Variants in TMEFF2 observed in about 807,000 individuals in gnomAD.
The protein encoded by TMEFF2 is tomoregulin-2.
Under a neutral mutation model 53.8 loss-of-function variants are expected in TMEFF2, and 28 were observed. The ratio of observed to expected loss-of-function variants is 0.52; its 90% CI spans 0.39 to 0.71. The LOEUF is 0.71. Ranked by LOEUF, TMEFF2 falls within the 30% of genes least tolerant of loss-of-function variation. The probability of loss-of-function intolerance (pLI) is 0.00; values close to 1 mark genes in which losing one functional copy is unlikely to be tolerated. For synonymous variants in TMEFF2, 162 were observed against 166.3 expected, an observed-to-expected ratio of 0.97 and a Z score of 0.20; for missense variants, 353 against 455.2, an observed-to-expected ratio of 0.78 and a Z score of 2.04.
chr2:192,091,195 G>A (rs879450684), intron 4 of TMEFF2, among the ~76,000 whole-genome samples: 13 of 152,080 alleles, frequency 8.5e-5, no homozygotes, highest in African/African-American at 2.7e-4. Context: ...TACTTCCCCC[G>A]TGTGTATCTG....
At chr2:191,965,948 T>C (rs1379642767) in intron 7 of TMEFF2, among the ~76,000 whole-genome samples, 3 of 151,474 alleles carry the variant, frequency 2.0e-5, no homozygotes, top group Non-Finnish European at 4.4e-5. Flanking sequence ...ACACGTTAGT[T>C]CAGAAACTCC....
At chr2:192,056,439 T>G (rs1687912149) in intron 5 of TMEFF2, among the ~76,000 whole-genome samples, 2 of 151,298 alleles carry the variant, frequency 1.3e-5, no homozygotes, top group South Asian at 4.2e-4. Flanking sequence ...GAAGAGAGAA[T>G]AGGAGAGGAA....
intron 5 of TMEFF2, among the ~76,000 whole-genome samples, chr2:192,047,449 A>T (rs1365957766): frequency 6.6e-6 from 1 of 152,136 alleles, no homozygotes; most frequent in Non-Finnish European, 1.5e-5. Context: ...TCATTTCAGG[A>T]TGAGCTCAGA....
intron 4 of TMEFF2, among the ~76,000 whole-genome samples, chr2:192,158,232 G>A (rs1267243058): frequency 6.6e-6 from 1 of 152,054 alleles, no homozygotes; most frequent in Non-Finnish European, 1.5e-5. Context: ...TCTATGGAAT[G>A]ATGGTATTAC....
intron 2 of TMEFF2, among the ~76,000 whole-genome samples, chr2:192,186,247 A>C (rs1235992068): frequency 6.6e-6 from 1 of 152,182 alleles, no homozygotes; most frequent in Non-Finnish European, 1.5e-5. Flanking sequence ...GGAGCTTTCC[A>C]AAAATTTGTT....
intron 4 of TMEFF2, among the ~76,000 whole-genome samples, chr2:192,125,967 G>A (rs549978485): frequency 7.9e-5 from 12 of 152,182 alleles, no homozygotes; most frequent in African/African-American, 2.6e-4. Context: ...AAATGTCCAC[G>A]GCACACGTTT....
chr2:192,192,286 T>C lies in TMEFF2; in HGVS notation c.173-297A>G, dbSNP rs185352970. On this transcript the variant is annotated intron_variant, in intron 1 of 9. Coordinates refer to ENST00000272771, the MANE Select transcript of TMEFF2 (RefSeq NM_016192.4). The stretch of plus-strand genomic sequence containing the variant: ...GGTGAATGAAAGCTTAACATTTGCT[T>C]CCTGTTTTTTTTTTATTTTTATTTT... Among the ~76,000 whole-genome samples, 464 of 142,246 alleles carry C rather than the reference T, an allele frequency of 3.3e-3. 6 individuals are homozygous for C. Among genetic ancestry groups the C allele is most frequent in the African/African-American group, 0.011 (445 of 39,594 alleles). The allele number at this position is 142,246 out of a possible 152,430, so 93.3% of individuals were successfully genotyped here.
At chr2:192,019,621 AT>A in intron 5 of TMEFF2, among the ~76,000 whole-genome samples, 2 of 151,784 alleles carry the variant, frequency 1.3e-5, no homozygotes, top group South Asian at 4.2e-4. Flanking sequence ...AAAATATTAC[AT>A]TTTTAAATGT....
chr2:192,095,930 A>G (rs1688893128), intron 4 of TMEFF2, among the ~76,000 whole-genome samples: 1 of 152,218 alleles, frequency 6.6e-6, no homozygotes, highest in Non-Finnish European at 1.5e-5. Flanking sequence ...TAAGATATTA[A>G]TATATTCAGA....
chr2:191,969,390 G>C (rs1692567053), intron 7 of TMEFF2, among the ~76,000 whole-genome samples: 2 of 152,184 alleles, frequency 1.3e-5, no homozygotes, highest in Admixed American at 1.3e-4. Context: ...CCCTACCTTA[G>C]GTGACAAGGT....
intron 4 of TMEFF2, among the ~76,000 whole-genome samples, chr2:192,078,930 T>C (rs16834154): frequency 6.6e-6 from 1 of 152,088 alleles, no homozygotes; most frequent in Non-Finnish European, 1.5e-5. Flanking sequence ...GGGATATATA[T>C]GCATATTGTG....
Position 192,002,859 on chromosome 2 carries a change from G to A in TMEFF2, c.537-3651C>T, listed in dbSNP as rs996664345. Among the ~76,000 whole-genome samples, 3 of 152,004 alleles carry A rather than the reference G, an allele frequency of 2.0e-5. 1 individual carries two copies. Among genetic ancestry groups the A allele is most frequent in the Middle Eastern group, 6.8e-3 (2 of 294 alleles). On this transcript the variant is annotated intron_variant, in intron 5 of 9. Transcript: ENST00000272771. Reference sequence around the variant, plus strand: ...ACAAAACAAAACAAAACACAAAAACGATGAAGCTTGGGGAAAAGGAAATGT... The same window carrying A: ...ACAAAACAAAACAAAACACAAAAACAATGAAGCTTGGGGAAAAGGAAATGT...
intron 4 of TMEFF2, among the ~76,000 whole-genome samples, chr2:192,111,347 C>T (rs1689271839): frequency 6.6e-6 from 1 of 152,128 alleles, no homozygotes; most frequent in African/African-American, 2.4e-5. Flanking sequence ...AGATGAGGAA[C>T]TTGTTGAGAA....
chr2:191,949,419 C>CAAAG lies in TMEFF2; in HGVS notation c.*888_*891dup, dbSNP rs1691801162. On this transcript the variant is annotated 3_prime_UTR_variant, in exon 10 of 10. Transcript: ENST00000272771. ...ATTGGTTGTGATTCTAACTTCTTTT[C>CAAAG]AAAGAACTATATACTATACATATTG... 3 of 985,234 alleles carry CAAAG rather than the reference C, an allele frequency of 3.0e-6. No homozygotes were observed. Among genetic ancestry groups the CAAAG allele is most frequent in the South Asian group, 4.7e-5 (1 of 21,290 alleles). The allele number at this position is 985,234 out of a possible 1,614,324, so 61.0% of individuals were successfully genotyped here.
intron 4 of TMEFF2, among the ~76,000 whole-genome samples, chr2:192,128,485 T>G (rs963334822): frequency 6.6e-6 from 1 of 152,186 alleles, no homozygotes; most frequent in African/African-American, 2.4e-5. Context: ...AGAAAGGACA[T>G]CTTAAAAATG....
chr2:192,003,283 G>A (rs1686412360), intron 5 of TMEFF2, among the ~76,000 whole-genome samples: 1 of 152,066 alleles, frequency 6.6e-6, no homozygotes, highest in African/African-American at 2.4e-5. Context: ...CTTGAAAATC[G>A]AAGAGCCTAA....
At chr2:192,144,596 G>A (rs1690208263) in intron 4 of TMEFF2, among the ~76,000 whole-genome samples, 1 of 152,062 alleles carries the variant, frequency 6.6e-6, no homozygotes, top group Non-Finnish European at 1.5e-5. Flanking sequence ...ATTAATGTGT[G>A]TGCAAGTACG....
intron 4 of TMEFF2, among the ~76,000 whole-genome samples, chr2:192,160,672 GA>G (rs1417297126): frequency 6.6e-6 from 1 of 151,438 alleles, no homozygotes; most frequent in Non-Finnish European, 1.5e-5. Context: ...ACCTTCTTTA[GA>G]AAAAAATACA....
chr2:192,149,589 C>T (rs1213617658), intron 4 of TMEFF2, among the ~76,000 whole-genome samples: 1 of 151,814 alleles, frequency 6.6e-6, no homozygotes, highest in South Asian at 2.1e-4. Flanking sequence ...AGAAAAGCTG[C>T]CTTAAATATG....
Sources: allele counts gnomAD v4.1 joint callset (sites outside exome capture counted in the v4.1 genomes callset), GRCh38; gene constraint gnomAD v4.1.1; transcripts MANE v1.5; gene names NCBI Gene and HGNC (gene_info 2026-07-23, HGNC 2026-07-21).